The following EP400 variants were observed in gnomAD, a reference collection of about 807,000 sequenced individuals.
EP400 encodes E1A binding protein p400.
In EP400, 105 loss-of-function variants were observed where a neutral mutation model predicts 354.1. The ratio of observed to expected loss-of-function variants is 0.30; its 90% CI spans 0.25 to 0.35. The LOEUF is 0.35. Ranked by LOEUF, EP400 falls within the 10% of genes least tolerant of loss-of-function variation. The pLI is 1.00. For missense variants in EP400, 3,280 were observed against 4,121.0 expected (o/e 0.80, Z 5.59); for synonymous variants, 1,646 against 1,716.9 (o/e 0.96, Z 1.02).
chr12:131,962,831 TAC>T (rs1347937994), intron 2 of EP400, among the ~76,000 whole-genome samples: 2 of 152,240 alleles, frequency 1.3e-5, no homozygotes, highest in Non-Finnish European at 2.9e-5. Flanking sequence ...TGTTTTATGA[TAC>T]AGTTAAAATA....
intron 15 of EP400, among the ~76,000 whole-genome samples, chr12:132,010,034 G>A (rs1893713354): frequency 6.7e-6 from 1 of 149,900 alleles, no homozygotes; most frequent in Admixed American, 6.7e-5. Context: ...TTCACTGGGT[G>A]TTAAAATATC....
intron 15 of EP400, among the ~76,000 whole-genome samples, chr12:132,007,263 G>A (rs978292158): frequency 6.6e-6 from 1 of 152,338 alleles, no homozygotes; most frequent in African/African-American, 2.4e-5. Flanking sequence ...CATGCATCTT[G>A]GCTCACTGTA....
chr12:131,966,545 A>G (rs1049920264), intron 2 of EP400, among the ~76,000 whole-genome samples: 4 of 138,124 alleles, frequency 2.9e-5, no homozygotes, highest in Non-Finnish European at 6.1e-5. Context: ...CCTGGGCCAC[A>G]GAGTGATACC....
intron 41 of EP400, among the ~76,000 whole-genome samples, chr12:132,051,636 A>G (rs540426715): frequency 6.6e-6 from 1 of 152,318 alleles, no homozygotes; most frequent in South Asian, 2.1e-4. Context: ...GCTGCTGCTA[A>G]CTAAACGGCA....
At position 132,025,687 on chromosome 12, in the gene EP400, C is replaced by G; in HGVS notation, c.4897C>G (p.Leu1633Val). The G allele has an allele frequency of 6.2e-7, 1 of 1,613,002 alleles. No individual in the cohort carries two copies. Among genetic ancestry groups the G allele is most frequent in the Non-Finnish European group, 8.5e-7 (1 of 1,179,630 alleles). Residue 1633 changes from leucine (L) to valine (V), a missense_variant, in exon 25 of 53, where the codon CTT (leucine) becomes GTT (valine). By Grantham distance (32) the Leu-to-Val change is conservative. Transcript: ENST00000389561. The surrounding 1 kb of genome is among the most constrained non-coding windows in gnomAD (Gnocchi z 4.1). The part of the protein sequence containing the change: ...QIVSAPGQPY[L>V]RAPGPVVMQT... ...CGTGTCCGCCCCCGGGCAGCCCTAC[C>G]TTCGAGCCCCTGGCCCTGTGGTGAT...
At chr12:132,072,130 T>C (rs1302909341) in intron 51 of EP400, among the ~76,000 whole-genome samples, 1 of 152,184 alleles carries the variant, frequency 6.6e-6, no homozygotes, top group Non-Finnish European at 1.5e-5. Flanking sequence ...GCCTGCCTTG[T>C]CAGGTCTGTT....
chr12:132,051,759 T>TTA (rs1895298486), intron 41 of EP400, among the ~76,000 whole-genome samples: 3 of 152,000 alleles, frequency 2.0e-5, no homozygotes, highest in Admixed American at 2.0e-4. Flanking sequence ...GCCTGACTAA[T>TTA]GTCAGGCCCT....
intron 16 of EP400, 53 bp downstream of exon 16, chr12:132,011,687 T>A (rs1893771535): frequency 3.2e-6 from 5 of 1,550,040 alleles, no homozygotes; most frequent in Non-Finnish European, 4.3e-6. Flanking sequence ...ATGTTAATTT[T>A]TATAAAAGAC....
Position 131,960,859 on chromosome 12 carries a change from C to A in EP400, c.240C>A (p.Gly80=), listed in dbSNP as rs776166187. ...TGAACATCACCCTGCAGAGCGTGGG[C>A]CCTGTCGTCGGGGGAAACCAGCAGA... ...QNVNITLQSV[G]PVVGGNQQIT... is the part of the protein sequence containing the mutation. Residue 80 remains glycine, a synonymous_variant, in exon 2 of 53, where the codon GGC becomes GGA. Coordinates refer to ENST00000389561, the MANE Select transcript of EP400 (RefSeq NM_015409.5). 6.2e-7 allele frequency: 1 copy of A among 1,614,014 alleles called. No individual in the cohort carries two copies. Among genetic ancestry groups the A allele is most frequent in the African/African-American group, 1.3e-5 (1 of 75,040 alleles).
At chr12:132,041,485 G>A (rs1332378296) in intron 32 of EP400, among the ~76,000 whole-genome samples, 1 of 152,214 alleles carries the variant, frequency 6.6e-6, no homozygotes. Context: ...CTTCCTTCGG[G>A]TCTGCCTTCT....
intron 2 of EP400, among the ~76,000 whole-genome samples, chr12:131,967,850 G>A (rs1892155674): frequency 1.3e-5 from 2 of 152,084 alleles, no homozygotes; most frequent in South Asian, 4.1e-4. Context: ...TCCAGGTCTA[G>A]TTTATTTTAA....
Position 132,013,113 on chromosome 12 carries a change from T to G in EP400, c.3546T>G (p.Ile1182Met), listed in dbSNP as rs774218491. The G allele has an allele frequency of 1.2e-6, 2 of 1,614,106 alleles. No individual in the cohort carries two copies. Among genetic ancestry groups the G allele is most frequent in the Non-Finnish European group, 1.7e-6 (2 of 1,180,030 alleles). ...GAGTGCGCTGGAAGTGCCTGGTCATTGATGAGATGCAGCGCGTGAAGGGCA... is the reference window on the plus strand; with the variant it reads ...GAGTGCGCTGGAAGTGCCTGGTCATGGATGAGATGCAGCGCGTGAAGGGCA... ...FTRVRWKCLVIDEMQRVKGMT... is the reference protein window; with the variant it reads ...FTRVRWKCLVMDEMQRVKGMT... Residue 1182 changes from isoleucine to methionine, a missense_variant, in exon 17 of 53, where the codon ATT becomes ATG. Ile to Met is a conservative substitution (Grantham distance 10). This residue lies in a region of EP400 where 242 missense variants were observed against 357.9 expected (regional missense o/e 0.68). Coordinates refer to ENST00000389561, the MANE Select transcript of EP400 (RefSeq NM_015409.5). This position sits in a 1 kb window ranked among gnomAD's most constrained non-coding sequence, Gnocchi z 4.5.
chr12:132,001,986 G>C (rs911732641), intron 12 of EP400, among the ~76,000 whole-genome samples: 3 of 152,178 alleles, frequency 2.0e-5, no homozygotes, highest in Non-Finnish European at 4.4e-5. Context: ...CGTGCCCTCG[G>C]TCTCTTGCCT....
Position 131,990,061 on chromosome 12 carries a change from C to T in EP400, c.2507C>T (p.Ser836Phe). The T allele has an allele frequency of 6.2e-7, 1 of 1,613,032 alleles. No individual in the cohort carries two copies. Among genetic ancestry groups the T allele is most frequent in the South Asian group, 1.1e-5 (1 of 90,944 alleles). The stretch of plus-strand genomic sequence containing the variant: ...AGCAGACTGAGGCGGATAGCCGCCT[C>T]CACGGCCCGGGAGATAGAGTGCTTT... ...EQSRLRRIAA[S>F]TAREIECFWS... The change falls in exon 8 of 53, where the codon TCC (serine) becomes TTC (phenylalanine). Residue 836 changes from serine (S) to phenylalanine (F), a missense_variant. Coordinates refer to ENST00000389561, the MANE Select transcript of EP400 (RefSeq NM_015409.5). This position sits in a 1 kb window ranked among gnomAD's most constrained non-coding sequence, Gnocchi z 4.2.
chr12:131,987,096 C>T (rs1892880030), intron 6 of EP400, among the ~76,000 whole-genome samples: 1 of 152,152 alleles, frequency 6.6e-6, no homozygotes, highest in Non-Finnish European at 1.5e-5. Context: ...GAGGGACAAG[C>T]TTGAGCGCTG....
At position 131,994,722 on chromosome 12, in the gene EP400, T is replaced by G; in HGVS notation, c.2738-145T>G. 1 of 602,400 alleles carries G rather than the reference T, an allele frequency of 1.7e-6. No homozygotes were observed. The allele number at this position is 602,400 out of a possible 1,614,324, so 37.3% of individuals were successfully genotyped here. On this transcript the variant is annotated intron_variant, in intron 11 of 52. Coordinates refer to ENST00000389561, the MANE Select transcript of EP400 (RefSeq NM_015409.5). This position sits in a 1 kb window ranked among gnomAD's most constrained non-coding sequence, Gnocchi z 4.6. ...ACTTCCAGTTTCCTGCCCATTTAAT[T>G]AAATTTAACCTGAGAAGTTTAAAAG...
Position 132,027,823 on chromosome 12 carries a change from T to A in EP400, c.5110-194T>A, listed in dbSNP as rs1362859119. ...TTGGCAAAGAAGAGAACGCTTGTGC[T>A]CTCGGCTTCATTTCCATCTCTATTT... On this transcript the variant is annotated intron_variant, in intron 26 of 52. Transcript: ENST00000389561. This position sits in a 1 kb window ranked among gnomAD's most constrained non-coding sequence, Gnocchi z 4.9. Among the ~76,000 whole-genome samples, 1 of 152,228 alleles carries A rather than the reference T, an allele frequency of 6.6e-6. No individual in the cohort carries two copies. Among genetic ancestry groups the A allele is most frequent in the African/African-American group, 2.4e-5 (1 of 41,452 alleles).
chr12:131,956,599 C>T (rs1007188574), intron 1 of EP400, among the ~76,000 whole-genome samples: 1 of 152,098 alleles, frequency 6.6e-6, no homozygotes. Context: ...GTTCATTCCA[C>T]TTTCCTACTG....
Position 131,969,390 on chromosome 12 carries a change from A to G in EP400, c.1335+7436A>G, listed in dbSNP as rs140436500. ...TACATACACCCATGTAACCCATACA[A>G]TGGTCAACATGTCCATTTCTATCAC... is the stretch of plus-strand genomic sequence containing the variant. On this transcript the variant is annotated intron_variant, in intron 2 of 52. Transcript: ENST00000389561. 1.6e-3 allele frequency among the ~76,000 whole-genome samples: 251 copies of G among 152,304 alleles called. 2 individuals carry two copies. The highest frequency in any genetic ancestry group is 6.8e-3 in the Middle Eastern group (2 of 294).
Sources: allele counts gnomAD v4.1 joint callset (sites outside exome capture counted in the v4.1 genomes callset), GRCh38; gene constraint gnomAD v4.1.1; regional missense constraint gnomAD v4.1.1; non-coding constraint Gnocchi (gnomAD v3.1); transcripts MANE v1.5; gene names NCBI Gene and HGNC (gene_info 2026-07-23, HGNC 2026-07-21).